Variants in SLCO1B3 observed in about 807,000 individuals in gnomAD.
The protein encoded by SLCO1B3 is solute carrier organic anion transporter family member 1B3, also known as liver-specific organic anion transporter 2.
Under a neutral mutation model 71.8 loss-of-function variants are expected in SLCO1B3, and 72 were observed. The ratio of observed to expected loss-of-function variants is 1.00; its 90% CI spans 0.83 to 1.22. The LOEUF is 1.22. Ranked by LOEUF, SLCO1B3 falls within the 50% of genes most tolerant of loss-of-function variation. SLCO1B3 has a pLI of 0.00. For synonymous variants in SLCO1B3, 298 were observed against 278.4 expected, an observed-to-expected ratio of 1.07 and a Z score of -0.70; for missense variants, 911 against 819.7, an observed-to-expected ratio of 1.11 and a Z score of -1.36.
chr12:20,874,379 A>G (rs1001058170), intron 8 of SLCO1B3, among the ~76,000 whole-genome samples: 13 of 152,070 alleles, frequency 8.5e-5, no homozygotes, highest in African/African-American at 3.1e-4. Context: ...TACTTTCCTG[A>G]TGTATAGCAA....
intron 13 of SLCO1B3, among the ~76,000 whole-genome samples, chr12:20,889,621 T>C (rs1227898870): frequency 6.6e-6 from 1 of 152,128 alleles, no homozygotes; most frequent in Non-Finnish European, 1.5e-5. Flanking sequence ...AAGCTATCTA[T>C]CTTACTTATA....
At chr12:20,850,416 A>G (rs1398508183) in intron 3 of SLCO1B3, among the ~76,000 whole-genome samples, 1 of 151,668 alleles carries the variant, frequency 6.6e-6, no homozygotes, top group African/African-American at 2.4e-5. Flanking sequence ...AGTAGCTGGG[A>G]CTGCAGGCAC....
In SLCO1B3 at chr12:20,901,329, T is replaced by A. The variant is rs367668863; in HGVS notation, c.1748-21T>A. 1,701 of 1,346,478 alleles carry A rather than the reference T, an allele frequency of 1.3e-3. 39 individuals are homozygous for A. The South Asian group carries it at 0.022, about 17-fold the overall frequency. 83.4% of individuals were successfully genotyped at this position (1,346,478 alleles called of 1,614,324 possible). A position where few individuals can be genotyped will look rare whatever the true frequency, so the allele number is the denominator to read the frequency against. On this transcript the variant is annotated intron_variant, in intron 14 of 15. Transcript: ENST00000381545. The stretch of plus-strand genomic sequence containing the variant: ...TTGAAGCATTTCACTTGGATTGATA[T>A]CTTTTTATCTCATGTTGCAGGAGGA...
intron 3 of SLCO1B3, among the ~76,000 whole-genome samples, chr12:20,848,374 T>A (rs140652639): frequency 2.3e-3 from 347 of 152,320 alleles, no homozygotes; most frequent in African/African-American, 7.8e-3. Flanking sequence ...AATTCTCATT[T>A]ATTGCTGGTA....
At chr12:20,831,751 C>T (rs953758566) in intron 3 of SLCO1B3, among the ~76,000 whole-genome samples, 8 of 149,764 alleles carry the variant, frequency 5.3e-5, no homozygotes, top group South Asian at 2.1e-4. Flanking sequence ...TAGGAGTATG[C>T]GCACATACAG....
intron 3 of SLCO1B3, among the ~76,000 whole-genome samples, chr12:20,836,854 G>C (rs762500780): frequency 7.2e-5 from 11 of 152,106 alleles, no homozygotes; most frequent in Non-Finnish European, 1.2e-4. Context: ...TGTTAGCCAG[G>C]ATGGTCTCGA....
chr12:20,903,707 C>T (rs1345256131), intron 15 of SLCO1B3, among the ~76,000 whole-genome samples: 1 of 152,140 alleles, frequency 6.6e-6, no homozygotes, highest in Non-Finnish European at 1.5e-5. Flanking sequence ...CACCTCCCAC[C>T]AGGTTCCTTC....
chr12:20,873,662 A>G (rs1865521617), intron 8 of SLCO1B3, among the ~76,000 whole-genome samples: 1 of 152,224 alleles, frequency 6.6e-6, no homozygotes, highest in Non-Finnish European at 1.5e-5. Flanking sequence ...GGTTTGTTAC[A>G]TAGGTAAACA....
In SLCO1B3 at chr12:20,905,218, G is replaced by A. The variant is rs7957904; in HGVS notation, c.1865+3751G>A. ...GTTGCACAGGGCAGCAGGGCCCTGG[G>A]CCTGACCCACAAAACCATTTAACCC... is the stretch of plus-strand genomic sequence containing the variant. On this transcript the variant is annotated intron_variant, in intron 15 of 15. Coordinates refer to ENST00000381545, the MANE Select transcript of SLCO1B3 (RefSeq NM_019844.4). Among the ~76,000 whole-genome samples the A allele has an allele frequency of 4.6e-5, 7 of 152,132 alleles. No homozygotes were observed. The South Asian group carries it at 1.5e-3, about 32-fold the overall frequency.
chr12:20,883,024 T>C lies in SLCO1B3; in HGVS notation c.1498-394T>C, dbSNP rs187822275. Among the ~76,000 whole-genome samples, 3 of 152,298 alleles carry C rather than the reference T, an allele frequency of 2.0e-5. No individual in the cohort carries two copies. The East Asian group carries it at 5.8e-4, about 29-fold the overall frequency. On this transcript the variant is annotated intron_variant, in intron 12 of 15. Transcript: ENST00000381545. ...GCCTGGCTCTATTTCCTCTGCACTC[T>C]GTCCCATTTTCATGAGTGGCTAAGT...
intron 15 of SLCO1B3, among the ~76,000 whole-genome samples, chr12:20,906,205 ATGAAACT>A (rs1437940619): frequency 6.6e-6 from 1 of 152,184 alleles, no homozygotes; most frequent in Non-Finnish European, 1.5e-5. Context: ...AAAGAAAAAA[ATGAAACT>A]TAAACTCATA....
At chr12:20,875,607 TA>T in intron 9 of SLCO1B3, 130 bp downstream of exon 9, 6 of 954,530 alleles carry the variant, frequency 6.3e-6, no homozygotes, top group African/African-American at 1.7e-5. Flanking sequence ...TTAGCTGAAT[TA>T]TTTTTTCTAA....
chr12:20,908,556 C>T (rs1400152275), intron 15 of SLCO1B3, among the ~76,000 whole-genome samples: 1 of 152,210 alleles, frequency 6.6e-6, no homozygotes, highest in Admixed American at 6.5e-5. Flanking sequence ...TCCCAGTAAT[C>T]CCTGGATCCC....
intron 15 of SLCO1B3, among the ~76,000 whole-genome samples, chr12:20,914,503 T>A (rs1591796068): frequency 6.6e-6 from 1 of 152,062 alleles, no homozygotes; most frequent in Non-Finnish European, 1.5e-5. Flanking sequence ...GTATATTATA[T>A]ATAATTAAAT....
intron 15 of SLCO1B3, among the ~76,000 whole-genome samples, chr12:20,907,609 A>G (rs1591792978): frequency 6.6e-6 from 1 of 150,774 alleles, no homozygotes; most frequent in Non-Finnish European, 1.5e-5. Context: ...CCTGGGTTCA[A>G]GCAATTCTCT....
intron 14 of SLCO1B3, among the ~76,000 whole-genome samples, chr12:20,900,995 C>G (rs1307036919): frequency 2.6e-5 from 4 of 152,150 alleles, no homozygotes; most frequent in Non-Finnish European, 5.9e-5. Flanking sequence ...AAGAAAAATT[C>G]CATATGAACC....
intron 3 of SLCO1B3, among the ~76,000 whole-genome samples, chr12:20,826,653 C>T (rs547851852): frequency 2.9e-4 from 43 of 148,040 alleles, no homozygotes; most frequent in Middle Eastern, 3.9e-3. Context: ...CCTAAAGGTA[C>T]CTCTTTCTTA....
At chr12:20,828,458 G>A (rs1425806257) in intron 3 of SLCO1B3, among the ~76,000 whole-genome samples, 3 of 152,112 alleles carry the variant, frequency 2.0e-5, no homozygotes, top group African/African-American at 7.2e-5. Context: ...GGAATCCCAG[G>A]CTGTTAGAAA....
chr12:20,843,073 AT>A (rs1864836374), intron 3 of SLCO1B3, among the ~76,000 whole-genome samples: 1 of 152,048 alleles, frequency 6.6e-6, no homozygotes, highest in Non-Finnish European at 1.5e-5. Context: ...TGTATGCTAT[AT>A]TTTGCTATAT....
Sources: allele counts gnomAD v4.1 joint callset (sites outside exome capture counted in the v4.1 genomes callset), GRCh38; gene constraint gnomAD v4.1.1; transcripts MANE v1.5; gene names NCBI Gene and HGNC (gene_info 2026-07-23, HGNC 2026-07-21).